Variants in CDKAL1 observed in about 807,000 individuals in gnomAD.
The protein encoded by CDKAL1 is threonylcarbamoyladenosine tRNA methylthiotransferase.
A neutral mutation model predicts 68.2 loss-of-function variants in CDKAL1; 32 were observed. That is an observed-to-expected ratio of 0.47 (90% CI 0.35 to 0.63). The LOEUF is 0.63. Ranked by LOEUF, CDKAL1 falls within the 30% of genes least tolerant of loss-of-function variation. The pLI, the probability that CDKAL1 is intolerant of heterozygous loss-of-function variation, is 0.00. For synonymous variants in CDKAL1, 234 were observed against 244.3 expected (o/e 0.96, Z 0.39); for missense variants, 606 against 696.7 (o/e 0.87, Z 1.47).
At chr6:20,994,385 A>G (rs888244814) in intron 10 of CDKAL1, among the ~76,000 whole-genome samples, 1 of 152,300 alleles carries the variant, frequency 6.6e-6, no homozygotes, top group African/African-American at 2.4e-5. Context: ...AGGCTGAGGC[A>G]AGAGAATCAC....
rs570604628 is a variant in CDKAL1, at chr6:21,087,087, C to T, written c.1237-21314C>T. On this transcript the variant is annotated intron_variant, in intron 12 of 15. Coordinates refer to ENST00000274695, the MANE Select transcript of CDKAL1 (RefSeq NM_017774.3). Reference sequence around the variant, plus strand: ...ATTAATTTAGTGAACTCTTTTCCTTCTGCACCCAGGCCTAAGACAACAATG... The same window carrying T: ...ATTAATTTAGTGAACTCTTTTCCTTTTGCACCCAGGCCTAAGACAACAATG... 3.7e-4 allele frequency among the ~76,000 whole-genome samples: 56 copies of T among 152,302 alleles called. 1 individual carries two copies. The highest frequency in any genetic ancestry group is 1.2e-3 in the African/African-American group (50 of 41,566).
At chr6:20,764,504 T>C (rs1432892149) in intron 7 of CDKAL1, among the ~76,000 whole-genome samples, 1 of 152,196 alleles carries the variant, frequency 6.6e-6, no homozygotes, top group Non-Finnish European at 1.5e-5. Flanking sequence ...ACCAAGCAGC[T>C]TTCTTATTTA....
chr6:21,089,369 C>G (rs533283748), intron 12 of CDKAL1, among the ~76,000 whole-genome samples: 1 of 152,124 alleles, frequency 6.6e-6, no homozygotes, highest in Non-Finnish European at 1.5e-5. Context: ...CCCAGCTACT[C>G]AGGAGGCTGA....
At chr6:20,572,339 A>G (rs1208722099) in intron 4 of CDKAL1, among the ~76,000 whole-genome samples, 5 of 152,142 alleles carry the variant, frequency 3.3e-5, no homozygotes, top group Non-Finnish European at 7.4e-5. Flanking sequence ...TAACACATAC[A>G]TTTTAATGAG....
rs377022693 is a variant in CDKAL1, at chr6:20,690,412, C to T, written c.371+41035C>T. ...ATCTAGTTGATGAAGGTGGAATTTTCGGTCACAGAATGAGCATTTTACGAA... is the reference window on the plus strand; with the variant it reads ...ATCTAGTTGATGAAGGTGGAATTTTTGGTCACAGAATGAGCATTTTACGAA... On this transcript the variant is annotated intron_variant, in intron 5 of 15. Coordinates refer to ENST00000274695, the MANE Select transcript of CDKAL1 (RefSeq NM_017774.3). 1.3e-3 allele frequency among the ~76,000 whole-genome samples: 190 copies of T among 151,986 alleles called. 1 individual carries two copies. Among genetic ancestry groups the T allele is most frequent in the African/African-American group, 4.4e-3 (181 of 41,446 alleles).
At chr6:20,901,547 GGCGGGTGCCTGTAGTCCCA>G (rs1183110805) in intron 9 of CDKAL1, among the ~76,000 whole-genome samples, 1 of 151,308 alleles carries the variant, frequency 6.6e-6, no homozygotes, top group Non-Finnish European at 1.5e-5. Flanking sequence ...CGGGCATGGT[GGCGGGTGCCTGTAGTCCCA>G]GCTACTCGGG....
At chr6:20,743,489 G>A (rs1249743933) in intron 6 of CDKAL1, among the ~76,000 whole-genome samples, 1 of 152,176 alleles carries the variant, frequency 6.6e-6, no homozygotes, top group Admixed American at 6.5e-5. Flanking sequence ...GATATTAATA[G>A]ATAAAGAGAG....
intron 12 of CDKAL1, among the ~76,000 whole-genome samples, chr6:21,076,406 C>T (rs1004733742): frequency 1.3e-5 from 2 of 152,092 alleles, no homozygotes; most frequent in African/African-American, 4.8e-5. Context: ...TACATATGTC[C>T]GAGAAACATA....
intron 4 of CDKAL1, among the ~76,000 whole-genome samples, chr6:20,630,735 T>G (rs1333195854): frequency 6.6e-6 from 1 of 152,146 alleles, no homozygotes; most frequent in Non-Finnish European, 1.5e-5. Flanking sequence ...TCAGCTTGCT[T>G]CAGTTCAGCC....
At chr6:21,015,961 AAAG>A (rs1314102983) in intron 11 of CDKAL1, among the ~76,000 whole-genome samples, 1 of 151,714 alleles carries the variant, frequency 6.6e-6, no homozygotes, top group African/African-American at 2.4e-5. Context: ...AAAAAAAAAA[AAAG>A]AAAGAATCAT....
intron 5 of CDKAL1, among the ~76,000 whole-genome samples, chr6:20,676,583 T>A (rs1770112474): frequency 6.6e-6 from 1 of 151,650 alleles, no homozygotes; most frequent in African/African-American, 2.4e-5. Context: ...AGGAGAATGG[T>A]ATGAACCCGG....
At chr6:21,075,425 G>A (rs1017002834) in intron 12 of CDKAL1, among the ~76,000 whole-genome samples, 4 of 151,900 alleles carry the variant, frequency 2.6e-5, no homozygotes, top group Non-Finnish European at 4.4e-5. Context: ...ACACCCTTTA[G>A]TTGAATTTTG....
At chr6:20,633,471 A>G (rs914505649) in intron 4 of CDKAL1, among the ~76,000 whole-genome samples, 7 of 152,116 alleles carry the variant, frequency 4.6e-5, no homozygotes, top group South Asian at 4.1e-4. Flanking sequence ...CTTTTTGGCT[A>G]TTAGGAATAA....
At chr6:20,877,701 T>C (rs538988601) in intron 9 of CDKAL1, among the ~76,000 whole-genome samples, 1 of 152,378 alleles carries the variant, frequency 6.6e-6, no homozygotes. Flanking sequence ...GACTTAGTCC[T>C]TGTTTTAAAC....
chr6:20,767,695 A>C (rs1277908434), intron 7 of CDKAL1, among the ~76,000 whole-genome samples: 1 of 152,228 alleles, frequency 6.6e-6, no homozygotes, highest in East Asian at 1.9e-4. Flanking sequence ...AAAACCTAAT[A>C]TTGATAATAA....
intron 13 of CDKAL1, among the ~76,000 whole-genome samples, chr6:21,141,083 C>G (rs1254082769): frequency 6.6e-6 from 1 of 152,122 alleles, no homozygotes; most frequent in African/African-American, 2.4e-5. Flanking sequence ...CTGGGAGTTA[C>G]AATTCAAGTT....
At chr6:20,643,553 A>G (rs1768290430) in intron 4 of CDKAL1, among the ~76,000 whole-genome samples, 1 of 152,160 alleles carries the variant, frequency 6.6e-6, no homozygotes, top group Non-Finnish European at 1.5e-5. Context: ...ATGTGTGCAT[A>G]AGGGGGTAAG....
intron 9 of CDKAL1, among the ~76,000 whole-genome samples, chr6:20,917,432 T>C (rs932007596): frequency 7.9e-5 from 12 of 152,224 alleles, no homozygotes; most frequent in Middle Eastern, 3.2e-3. Flanking sequence ...TTTGTATTCA[T>C]TTATTAAACT....
At chr6:20,987,394 A>G (rs781183260) in intron 10 of CDKAL1, among the ~76,000 whole-genome samples, 3 of 151,796 alleles carry the variant, frequency 2.0e-5, no homozygotes, top group Non-Finnish European at 4.4e-5. Flanking sequence ...AGCTGGGACT[A>G]TAGGTGTGCA....
Sources: gnomAD v4.1 joint callset for allele counts (sites outside exome capture counted in the v4.1 genomes callset) on GRCh38, gnomAD v4.1.1 for gene constraint, MANE v1.5 for transcripts, NCBI Gene and HGNC (gene_info 2026-07-23, HGNC 2026-07-21) for gene names.